The following AQR variants were observed in gnomAD, a reference collection of about 807,000 sequenced individuals.
AQR encodes RNA helicase aquarius.
In AQR, 61 loss-of-function variants were observed where a neutral mutation model predicts 180.5. The ratio of observed to expected loss-of-function variants is 0.34; its 90% CI spans 0.28 to 0.42. The LOEUF is 0.42. Among genes scored for constraint, AQR ranks in the 10% least tolerant of loss-of-function variants. The pLI is 1.00. For missense variants in AQR, 1,281 were observed against 1,798.3 expected (o/e 0.71, Z 5.20); for synonymous variants, 551 against 588.8 (o/e 0.94, Z 0.93).
Position 34,852,970 on chromosome 15 carries a change from T to C in AQR, c.*3822A>G, listed in dbSNP as rs955010489. On this transcript the variant is annotated 3_prime_UTR_variant, in exon 35 of 35. Coordinates refer to ENST00000156471, the MANE Select transcript of AQR (RefSeq NM_014691.3). ...CTCCAGGAAACTGAGCTAGGGTTTG[T>C]CTCTAAGAAGAAAAACTGGAGCGTC... 6.6e-6 allele frequency: 1 copy of C among 152,182 alleles called. No homozygotes were observed. Among genetic ancestry groups the C allele is most frequent in the African/African-American group, 2.4e-5 (1 of 41,448 alleles). 9.4% of individuals were successfully genotyped at this position (152,182 alleles called of 1,614,324 possible). A position where few individuals can be genotyped will look rare whatever the true frequency, so the allele number is the denominator to read the frequency against.
intron 12 of AQR, among the ~76,000 whole-genome samples, chr15:34,928,654 T>G (rs1893803284): frequency 6.6e-6 from 1 of 152,216 alleles, no homozygotes; most frequent in Non-Finnish European, 1.5e-5. Context: ...AACATACATG[T>G]GCATGTGCCT....
intron 19 of AQR, 73 bp from the exon 20 acceptor site, chr15:34,900,936 G>C: frequency 1.3e-6 from 2 of 1,504,266 alleles, no homozygotes; most frequent in South Asian, 1.4e-5. Context: ...GGAATGCAGA[G>C]CTGGCTGCAC....
chr15:34,953,592 A>G (rs1271168020), intron 3 of AQR, among the ~76,000 whole-genome samples: 1 of 152,226 alleles, frequency 6.6e-6, no homozygotes, highest in Non-Finnish European at 1.5e-5. Context: ...TTTAGTGAGA[A>G]TGAAATGAAG....
Position 34,857,070 on chromosome 15 carries a change from C to A in AQR, c.4180G>T (p.Gly1394Cys), listed in dbSNP as rs758444517. 1.1e-5 allele frequency: 17 copies of A among 1,604,972 alleles called. No homozygotes were observed. The highest frequency in any genetic ancestry group is 7.8e-5 in the South Asian group (7 of 89,196). ...LQLPPAMVEE[G>C]EEVQNQETEL... ...GTTTCTTGATTTTGAACTTCCTCAC[C>A]CTCTTCTACCATAGCAGGTGGTAGT... is the stretch of plus-strand genomic sequence containing the variant. Residue 1394 changes from glycine (G) to cysteine (C), a missense_variant, in exon 35 of 35, where the codon GGT (glycine) becomes TGT (cysteine). By Grantham distance (159) the Gly-to-Cys change is radical (BLOSUM62 -3). Transcript: ENST00000156471.
intron 15 of AQR, among the ~76,000 whole-genome samples, chr15:34,918,030 G>A (rs1407688433): frequency 1.3e-5 from 2 of 151,946 alleles, no homozygotes; most frequent in Non-Finnish European, 2.9e-5. Flanking sequence ...CTTTATGGTC[G>A]TATTTTTTAC....
At chr15:34,932,171 T>C (rs1312767454) in intron 11 of AQR, 147 bp downstream of exon 11, 2 of 597,748 alleles carry the variant, frequency 3.3e-6, no homozygotes, top group Non-Finnish European at 5.6e-6. Context: ...GCAACCTATA[T>C]AAGAATACAT....
chr15:34,856,931 C>CT lies in AQR; in HGVS notation c.4318dup (p.Ser1440LysfsTer2). 1 of 1,614,072 alleles carries CT rather than the reference C, an allele frequency of 6.2e-7. No individual in the cohort carries two copies. Among genetic ancestry groups the CT allele is most frequent in the Non-Finnish European group, 8.5e-7 (1 of 1,179,988 alleles). On this transcript the variant is annotated frameshift_variant, in exon 35 of 35. Coordinates refer to ENST00000156471, the MANE Select transcript of AQR (RefSeq NM_014691.3). LOFTEE classifies it low-confidence loss of function (END_TRUNC). ...TGGAGTGGAAGTGGCTCCTGTCTCA[C>CT]TGGGGGTGGTGTCAGTTTGAAAGGC...
intron 27 of AQR, among the ~76,000 whole-genome samples, chr15:34,880,982 A>G (rs1398185692): frequency 6.6e-6 from 1 of 152,320 alleles, no homozygotes; most frequent in South Asian, 2.1e-4. Context: ...TAGAAAACCT[A>G]TTAGCACTCA....
chr15:34,920,488 T>G, intron 13 of AQR, 54 bp from the exon 14 acceptor site: 2 of 1,324,640 alleles, frequency 1.5e-6, no homozygotes, highest in African/African-American at 3.0e-5. Flanking sequence ...ACTTCACTTT[T>G]GAAACATGTA....
chr15:34,946,428 G>A (rs1160330831), intron 5 of AQR, among the ~76,000 whole-genome samples: 3 of 70,690 alleles, frequency 4.2e-5, no homozygotes, highest in Admixed American at 1.2e-4. Flanking sequence ...CCGGGAGGGA[G>A]GTGGGGGGGG....
chr15:34,950,084 CTTTTTTTTTT>C (rs1174370425), intron 4 of AQR, among the ~76,000 whole-genome samples: 2 of 74,058 alleles, frequency 2.7e-5, no homozygotes, highest in African/African-American at 5.7e-5. Flanking sequence ...TGCTATTTTC[CTTTTTTTTTT>C]TTTTTTTTTT....
In AQR at chr15:34,934,644, A is replaced by G. The variant is rs767522028; in HGVS notation, c.719-9T>C. The G allele has an allele frequency of 6.1e-5, 94 of 1,553,298 alleles. No individual in the cohort carries two copies. The highest frequency in any genetic ancestry group is 7.6e-5 in the Non-Finnish European group (88 of 1,154,310). ...GTCCATAGTGACAGGTTCTAGACAT[A>G]AGAGAGAACGCATGATAGAATTTCC... On this transcript the variant is annotated splice_polypyrimidine_tract_variant and intron_variant, in intron 9 of 34. Transcript: ENST00000156471.
intron 10 of AQR, 142 bp downstream of exon 10, chr15:34,934,429 G>A: frequency 2.9e-6 from 1 of 340,488 alleles, no homozygotes; most frequent in East Asian, 5.6e-5. Context: ...TCTCATTAAT[G>A]TGAGAAATTG....
At chr15:34,887,611 G>C (rs1893082883) in intron 24 of AQR, among the ~76,000 whole-genome samples, 1 of 152,150 alleles carries the variant, frequency 6.6e-6, no homozygotes, top group Non-Finnish European at 1.5e-5. Context: ...CAAATTCTAT[G>C]CACATTCTTT....
intron 7 of AQR, among the ~76,000 whole-genome samples, chr15:34,941,200 A>C (rs1171604889): frequency 6.6e-6 from 1 of 152,248 alleles, no homozygotes; most frequent in Admixed American, 6.5e-5. Context: ...AGCTCTTGTT[A>C]ATAAAAATAC....
chr15:34,897,438 G>T (rs949264481), intron 21 of AQR, 121 bp downstream of exon 21: 9 of 1,127,518 alleles, frequency 8.0e-6, no homozygotes, highest in African/African-American at 3.1e-5. Flanking sequence ...AAAGAAAGAG[G>T]GTTCAGAAAC....
chr15:34,913,596 A>C (rs118068879), intron 16 of AQR, among the ~76,000 whole-genome samples: 1 of 152,238 alleles, frequency 6.6e-6, no homozygotes, highest in Admixed American at 6.5e-5. Flanking sequence ...TTTTATTAAC[A>C]GACCAAAAGA....
chr15:34,959,420 G>A (rs755940689), intron 3 of AQR, among the ~76,000 whole-genome samples: 3 of 151,952 alleles, frequency 2.0e-5, no homozygotes, highest in Non-Finnish European at 4.4e-5. Flanking sequence ...CACCCACCTC[G>A]GCCTCCCAAG....
At chr15:34,907,453 T>C (rs1274268880) in intron 17 of AQR, among the ~76,000 whole-genome samples, 1 of 152,232 alleles carries the variant, frequency 6.6e-6, no homozygotes, top group Non-Finnish European at 1.5e-5. Flanking sequence ...CTTCATTCCA[T>C]TTCTGATGTT....
Sources: gnomAD v4.1 joint callset for allele counts (sites outside exome capture counted in the v4.1 genomes callset) on GRCh38, gnomAD v4.1.1 for gene constraint, MANE v1.5 for transcripts, NCBI Gene and HGNC (gene_info 2026-07-23, HGNC 2026-07-21) for gene names.